SCAF11: variants seen among roughly 807,000 people sequenced by gnomAD.
SCAF11 encodes protein SCAF11.
SCAF11 carries 47 observed loss-of-function variants against 140.5 expected under a neutral mutation model. The ratio of observed to expected loss-of-function variants is 0.33; its 90% CI spans 0.26 to 0.43. SCAF11 has a LOEUF of 0.43. Among genes scored for constraint, SCAF11 ranks in the 20% least tolerant of loss-of-function variants. SCAF11 has a pLI of 1.00. For missense variants in SCAF11, 1,645 were observed against 1,705.1 expected (o/e 0.96, Z 0.62); for synonymous variants, 557 against 579.4 (o/e 0.96, Z 0.55).
intron 4 of SCAF11, 151 bp from the exon 5 acceptor site, chr12:45,948,688 T>A: frequency 1.7e-6 from 1 of 593,828 alleles, no homozygotes. Context: ...TCAAGCATGC[T>A]AAACCATAAG....
In SCAF11 at chr12:45,941,737, C is replaced by T. The variant is rs992728509; in HGVS notation, c.463+3512G>A. Among the ~76,000 whole-genome samples, 4 of 152,212 alleles carry T rather than the reference C, an allele frequency of 2.6e-5. No homozygotes were observed. The East Asian group carries it at 5.8e-4, about 22-fold the overall frequency. On this transcript the variant is annotated intron_variant, in intron 6 of 14. Coordinates refer to ENST00000369367, the MANE Select transcript of SCAF11 (RefSeq NM_004719.3). ...ACCCTGACTTCCTTCTTTCTTGTAG[C>T]CTATATCCAATCCATCAATGAATCC...
chr12:45,922,084 CAG>C lies in SCAF11; in HGVS notation c.4354_4355del (p.Leu1452GlyfsTer7). 1 of 1,613,382 alleles carries C rather than the reference CAG, an allele frequency of 6.2e-7. No homozygotes were observed. The highest frequency in any genetic ancestry group is 8.5e-7 in the Non-Finnish European group (1 of 1,179,798). On this transcript the variant is annotated frameshift_variant, in exon 15 of 15. Coordinates refer to ENST00000369367, the MANE Select transcript of SCAF11 (RefSeq NM_004719.3). LOFTEE classifies it high-confidence loss of function. ...TTTTTTCAGTAGACACAGGTTCTTCCAGAGTTTTCTTTTGGCTCCCCTTCCGT... is the reference window on the plus strand; with the variant it reads ...TTTTTTCAGTAGACACAGGTTCTTCCAGTTTTCTTTTGGCTCCCCTTCCGT... Reference protein sequence around the residue: ...YSRKGSQKKTLEEPVSTEKNI... With the variant: ...YSRKGSQKKTXEEPVSTEKNI...
intron 1 of SCAF11, among the ~76,000 whole-genome samples, chr12:45,972,943 TATATATAG>T (rs1251334698): frequency 4.4e-4 from 26 of 59,178 alleles, no homozygotes; most frequent in East Asian, 1.1e-3. Flanking sequence ...TATATAGATA[TATATATAG>T]ATATATAGAT....
At chr12:45,990,613 C>T (rs1214321052), upstream of SCAF11, 27 of 1,220,754 alleles carry the variant, frequency 2.2e-5, no homozygotes, top group Non-Finnish European at 2.8e-5. Flanking sequence ...CCCTCCCCTC[C>T]CCTCCCTGCG....
intron 1 of SCAF11, among the ~76,000 whole-genome samples, chr12:45,982,423 G>C (rs1412021864): frequency 6.6e-6 from 1 of 151,898 alleles, no homozygotes; most frequent in African/African-American, 2.4e-5. Flanking sequence ...ATCACCTATC[G>C]GGGCCGGGTA....
chr12:45,973,593 A>C (rs1946164401), intron 1 of SCAF11, among the ~76,000 whole-genome samples: 1 of 152,182 alleles, frequency 6.6e-6, no homozygotes, highest in Non-Finnish European at 1.5e-5. Context: ...ACCCAGAAAA[A>C]ACAATGATGC....
rs77384084 is a variant in SCAF11 at position 45,979,109 on chromosome 12, G to GA, written c.-22+11243_-22+11244insT. On this transcript the variant is annotated intron_variant, in intron 1 of 14. Transcript: ENST00000369367. ...TTTTAGGAGGTGATTAGGCTGTGAG[G>GA]CTATGCCCTCATGGATGGAATTAGT... is the stretch of plus-strand genomic sequence containing the variant. 2.7e-3 allele frequency among the ~76,000 whole-genome samples: 398 copies of GA among 145,730 alleles called. 3 individuals are homozygous for GA. The highest frequency in any genetic ancestry group is 9.3e-3 in the African/African-American group (367 of 39,656).
At chr12:45,953,181 G>A (rs1313837911) in intron 3 of SCAF11, among the ~76,000 whole-genome samples, 1 of 152,138 alleles carries the variant, frequency 6.6e-6, no homozygotes, top group East Asian at 1.9e-4. Context: ...GGATTTAGGA[G>A]GCTATTACTT....
chr12:45,972,910 A>C (rs1398628163), intron 1 of SCAF11, among the ~76,000 whole-genome samples: 3 of 87,912 alleles, frequency 3.4e-5, no homozygotes, highest in African/African-American at 1.8e-4. Flanking sequence ...ATATATATAG[A>C]TATATATATA....
In SCAF11 at chr12:45,923,759, T is replaced by C. The variant is rs191848038; in HGVS notation, c.3907-605A>G. On this transcript the variant is annotated intron_variant, in intron 12 of 14. Coordinates refer to ENST00000369367, the MANE Select transcript of SCAF11 (RefSeq NM_004719.3). Reference sequence around the variant, plus strand: ...GTGCAGTGGCGCGATCTTGGCTCACTGCAATCTCCGACTACCAGGTTCAAG... The same window carrying C: ...GTGCAGTGGCGCGATCTTGGCTCACCGCAATCTCCGACTACCAGGTTCAAG... Among the ~76,000 whole-genome samples, 263 of 152,252 alleles carry C rather than the reference T, an allele frequency of 1.7e-3. 1 individual carries two copies. The highest frequency in any genetic ancestry group is 3.8e-3 in the Admixed American group (58 of 15,298).
At chr12:45,948,711 G>T (rs1341003696) in intron 4 of SCAF11, among the ~76,000 whole-genome samples, 174 bp from the exon 5 acceptor site, 3 of 152,174 alleles carry the variant, frequency 2.0e-5, no homozygotes, top group African/African-American at 7.2e-5. Flanking sequence ...TAGTAAGTAT[G>T]CTTAGGTCTG....
intron 1 of SCAF11, among the ~76,000 whole-genome samples, chr12:45,979,589 T>C (rs576079679): frequency 6.6e-6 from 1 of 152,270 alleles, no homozygotes; most frequent in African/African-American, 2.4e-5. Flanking sequence ...CCCTTACAAA[T>C]TGGTACAAGT....
intron 6 of SCAF11, among the ~76,000 whole-genome samples, chr12:45,938,931 G>A (rs1945233971): frequency 6.8e-6 from 1 of 147,556 alleles, no homozygotes; most frequent in Admixed American, 6.9e-5. Flanking sequence ...AAAGATTAAT[G>A]TTCATTCCAA....
intron 1 of SCAF11, among the ~76,000 whole-genome samples, chr12:45,987,645 G>T (rs952835249): frequency 7.2e-5 from 11 of 152,164 alleles, no homozygotes; most frequent in Admixed American, 1.3e-4. Context: ...CCACAACAGC[G>T]TAGGGGAAAG....
At chr12:45,985,588 A>C (rs750930011) in intron 1 of SCAF11, among the ~76,000 whole-genome samples, 7 of 152,210 alleles carry the variant, frequency 4.6e-5, no homozygotes, top group Non-Finnish European at 8.8e-5. Flanking sequence ...CCAGAGCCCC[A>C]GACTCATTTC....
rs139512685 is a variant in SCAF11 at position 45,977,468 on chromosome 12, T to C, written c.-22+12885A>G. On this transcript the variant is annotated intron_variant, in intron 1 of 14. Transcript: ENST00000369367. ...ACAGTTTTTGGCGGGGGTGGGATGA[T>C]AGAACCATTGCAAATCTTGACTGTA... Among the ~76,000 whole-genome samples, 142 of 152,176 alleles carry C rather than the reference T, an allele frequency of 9.3e-4. 2 individuals are homozygous for C. Among genetic ancestry groups the C allele is most frequent in the African/African-American group, 2.6e-3 (110 of 41,538 alleles).
chr12:45,991,186 AT>A (rs1410313948), upstream of SCAF11, among the ~76,000 whole-genome samples: 1 of 152,134 alleles, frequency 6.6e-6, no homozygotes, highest in Non-Finnish European at 1.5e-5. Flanking sequence ...TCTGGTGGGC[AT>A]TTTTTTAGAT....
intron 13 of SCAF11, 118 bp from the exon 14 acceptor site, chr12:45,922,700 T>C (rs1449758327): frequency 9.7e-7 from 1 of 1,034,854 alleles, no homozygotes; most frequent in South Asian, 1.7e-5. Flanking sequence ...ACTATTAACG[T>C]GACAAATATA....
At chr12:45,934,040 C>CAA in intron 8 of SCAF11, 136 bp downstream of exon 8, 6 of 522,782 alleles carry the variant, frequency 1.1e-5, no homozygotes, top group East Asian at 3.2e-5. Flanking sequence ...CCCCCCCGCC[C>CAA]AAAAAAAAAC....
Sources: gnomAD v4.1 joint callset for allele counts (sites outside exome capture counted in the v4.1 genomes callset) on GRCh38, gnomAD v4.1.1 for gene constraint, MANE v1.5 for transcripts, NCBI Gene and HGNC (gene_info 2026-07-23, HGNC 2026-07-21) for gene names.